The following MDGA2 variants were observed in gnomAD, a reference collection of about 807,000 sequenced individuals.
MDGA2 encodes MAM domain containing glycosylphosphatidylinositol anchor 2.
A neutral mutation model predicts 117.8 loss-of-function variants in MDGA2; 40 were observed. The observed-to-expected ratio is 0.34, with a 90% confidence interval of 0.26 to 0.44. The LOEUF (loss-of-function observed/expected upper bound fraction) is 0.44, where lower values mean the gene tolerates loss of function less well. Among genes scored for constraint, MDGA2 ranks in the 20% least tolerant of loss-of-function variants. MDGA2 has a pLI of 1.00. For synonymous variants in MDGA2, 452 were observed against 439.0 expected (o/e 1.03, Z -0.37); for missense variants, 1,123 against 1,250.6 (o/e 0.90, Z 1.54).
At chr14:47,505,305 G>A (rs1894487553) in intron 1 of MDGA2, among the ~76,000 whole-genome samples, 1 of 152,152 alleles carries the variant, frequency 6.6e-6, no homozygotes, top group Non-Finnish European at 1.5e-5. Context: ...ATATGACTAA[G>A]ATTAGCAGTA....
intron 1 of MDGA2, among the ~76,000 whole-genome samples, chr14:47,356,380 C>A (rs1452611492): frequency 1.3e-5 from 2 of 152,158 alleles, no homozygotes; most frequent in African/African-American, 4.8e-5. Context: ...TTAAAATGAA[C>A]CCTGTCTTTT....
chr14:47,233,610 A>C (rs1321957207), intron 2 of MDGA2, among the ~76,000 whole-genome samples: 2 of 152,212 alleles, frequency 1.3e-5, no homozygotes, highest in African/African-American at 4.8e-5. Context: ...GCAGAGGGAG[A>C]ATAAAAATGA....
intron 1 of MDGA2, among the ~76,000 whole-genome samples, chr14:47,433,127 T>C (rs542726264): frequency 2.6e-5 from 4 of 152,128 alleles, no homozygotes; most frequent in Non-Finnish European, 5.9e-5. Flanking sequence ...TAGGAAGTTT[T>C]AGAAAAAAGT....
chr14:47,572,138 C>T (rs1211188691), intron 1 of MDGA2, among the ~76,000 whole-genome samples: 1 of 152,144 alleles, frequency 6.6e-6, no homozygotes, highest in Non-Finnish European at 1.5e-5. Context: ...CAATCCCATC[C>T]CTTGCTGTTC....
chr14:47,376,577 T>C (rs181038398), intron 1 of MDGA2, among the ~76,000 whole-genome samples: 56 of 152,030 alleles, frequency 3.7e-4, no homozygotes, highest in Admixed American at 1.4e-3. Flanking sequence ...CTCACCTCAG[T>C]AGGGGATTAA....
chr14:46,860,761 C>T (rs1010259005), intron 14 of MDGA2, among the ~76,000 whole-genome samples: 8 of 151,684 alleles, frequency 5.3e-5, no homozygotes, highest in South Asian at 2.1e-4. Flanking sequence ...TATATCTAGA[C>T]TTTATCCAGT....
chr14:47,476,788 C>A (rs1893850445), intron 1 of MDGA2, among the ~76,000 whole-genome samples: 1 of 152,176 alleles, frequency 6.6e-6, no homozygotes, highest in Admixed American at 6.5e-5. Context: ...TGTACACAGT[C>A]AAATCTAGCA....
chr14:47,358,407 C>T (rs1566753139), intron 1 of MDGA2, among the ~76,000 whole-genome samples: 2 of 152,142 alleles, frequency 1.3e-5, no homozygotes, highest in African/African-American at 4.8e-5. Context: ...TGTCACCTGC[C>T]AAGCAATCAA....
intron 1 of MDGA2, among the ~76,000 whole-genome samples, chr14:47,652,806 A>C (rs2138273117): frequency 6.6e-6 from 1 of 152,272 alleles, no homozygotes; most frequent in Non-Finnish European, 1.5e-5. Context: ...CTGATAATTA[A>C]TAGTGGAAAG....
chr14:47,590,162 A>G (rs1291703692), intron 1 of MDGA2, among the ~76,000 whole-genome samples: 1 of 151,820 alleles, frequency 6.6e-6, no homozygotes, highest in Non-Finnish European at 1.5e-5. Flanking sequence ...CTTCCTTTCC[A>G]ATCTAGATAC....
intron 6 of MDGA2, among the ~76,000 whole-genome samples, chr14:47,091,651 G>T (rs1169008732): frequency 2.6e-5 from 4 of 152,024 alleles, no homozygotes. Flanking sequence ...AGGATAATGA[G>T]ATTTTTTTTT....
intron 1 of MDGA2, among the ~76,000 whole-genome samples, chr14:47,406,703 C>G (rs1195962966): frequency 1.3e-5 from 2 of 152,026 alleles, no homozygotes; most frequent in African/African-American, 4.8e-5. Context: ...GGTTCAATGA[C>G]TCAGCCTTTC....
chr14:47,637,893 A>C (rs1457294900), intron 1 of MDGA2, among the ~76,000 whole-genome samples: 2 of 152,210 alleles, frequency 1.3e-5, no homozygotes, highest in Non-Finnish European at 2.9e-5. Flanking sequence ...ACTAAAACAC[A>C]CTAAGATTAA....
chr14:46,956,921 ACTCT>A (rs1308301290), intron 9 of MDGA2, among the ~76,000 whole-genome samples: 1 of 150,048 alleles, frequency 6.7e-6, no homozygotes, highest in African/African-American at 2.5e-5. Context: ...TTCCCCCTTC[ACTCT>A]CTCTCTCTTT....
At chr14:47,461,519 C>T (rs1485350096) in intron 1 of MDGA2, among the ~76,000 whole-genome samples, 1 of 152,044 alleles carries the variant, frequency 6.6e-6, no homozygotes, top group African/African-American at 2.4e-5. Context: ...TTTAAATTTT[C>T]TGTAGTACAT....
At chr14:47,072,058 A>G (rs1461851112) in intron 6 of MDGA2, among the ~76,000 whole-genome samples, 1 of 127,018 alleles carries the variant, frequency 7.9e-6, no homozygotes, top group Non-Finnish European at 1.6e-5. Flanking sequence ...ACAAGTTTAT[A>G]TTCTACGAAA....
chr14:47,303,840 T>G (rs747149094), intron 1 of MDGA2, among the ~76,000 whole-genome samples: 1 of 152,268 alleles, frequency 6.6e-6, no homozygotes, highest in East Asian at 1.9e-4. Flanking sequence ...TGTTTTAATT[T>G]CAAATCAATG....
At chr14:47,292,062 T>C (rs1888909752) in intron 2 of MDGA2, among the ~76,000 whole-genome samples, 1 of 152,236 alleles carries the variant, frequency 6.6e-6, no homozygotes, top group South Asian at 2.1e-4. Context: ...CCAGTGAAGA[T>C]ACCACATCTG....
chr14:46,943,286 C>T (rs763573194), intron 9 of MDGA2, among the ~76,000 whole-genome samples: 2 of 151,854 alleles, frequency 1.3e-5, no homozygotes, highest in Non-Finnish European at 2.9e-5. Flanking sequence ...ATTTGAAGTG[C>T]GTTTTTGGTA....
Sources: allele counts gnomAD v4.1 joint callset (sites outside exome capture counted in the v4.1 genomes callset), GRCh38; gene constraint gnomAD v4.1.1; transcripts MANE v1.5; gene names NCBI Gene and HGNC (gene_info 2026-07-23, HGNC 2026-07-21).